Variants in PXDNL observed in about 807,000 individuals in gnomAD.
PXDNL encodes the protein probable oxidoreductase PXDNL.
In PXDNL, 145 loss-of-function variants were observed where a neutral mutation model predicts 150.8. That is an observed-to-expected ratio of 0.96 (90% CI 0.84 to 1.10). The LOEUF (loss-of-function observed/expected upper bound fraction) is 1.10. PXDNL is among the 50% of genes least tolerant of loss of function. The probability of loss-of-function intolerance (pLI) is 0.00; values close to 1 mark genes in which losing one functional copy is unlikely to be tolerated. For synonymous variants in PXDNL, 757 were observed against 725.7 expected (o/e 1.04, Z -0.69); for missense variants, 2,087 against 1,873.9 (o/e 1.11, Z -2.10).
intron 4 of PXDNL, among the ~76,000 whole-genome samples, chr8:51,530,507 T>C (rs73583102): frequency 0.031 from 4,649 of 152,236 alleles, 230 homozygotes; most frequent in African/African-American, 0.11. Flanking sequence ...ATCCCCAGTA[T>C]ATTTCTCCTG....
intron 19 of PXDNL, 23 bp downstream of exon 19, chr8:51,371,850 G>T: frequency 6.3e-7 from 1 of 1,584,566 alleles, no homozygotes; most frequent in Non-Finnish European, 8.7e-7. Context: ...AATCCAGATC[G>T]TGCTCATTGC....
At chr8:51,705,693 G>A (rs1048001969) in intron 1 of PXDNL, among the ~76,000 whole-genome samples, 5 of 152,230 alleles carry the variant, frequency 3.3e-5, no homozygotes, top group African/African-American at 1.2e-4. Context: ...AAATAAAGGA[G>A]TGAGCGTGTT....
intron 2 of PXDNL, among the ~76,000 whole-genome samples, chr8:51,645,576 ACAGAT>A (rs1404246247): frequency 6.6e-6 from 1 of 152,160 alleles, no homozygotes. Context: ...GAGGTGGTGA[ACAGAT>A]CAGATCTGTA....
rs1187615898 is a variant in PXDNL, at chr8:51,744,956, GAAAGAAAGAAAGA to G, written c.164+64212_164+64224del. ...AGAAAGAAAGAAAGAAAGAAAGAAA[GAAAGAAAGAAAGA>G]AAGAAAGAAAGAAAGAAAGAAAGGG... On this transcript the variant is annotated intron_variant, in intron 1 of 22. Transcript: ENST00000356297. 1.3e-3 allele frequency among the ~76,000 whole-genome samples: 156 copies of G among 116,316 alleles called. 6 individuals carry two copies. Among genetic ancestry groups the G allele is most frequent in the Middle Eastern group, 9.0e-3 (2 of 222 alleles). The allele number at this position is 116,316 out of a possible 152,430, so 76.3% of individuals were successfully genotyped here.
intron 2 of PXDNL, among the ~76,000 whole-genome samples, chr8:51,619,823 G>A (rs1437023949): frequency 6.6e-6 from 1 of 152,042 alleles, no homozygotes; most frequent in Non-Finnish European, 1.5e-5. Flanking sequence ...AATACACTGG[G>A]TTTTCTCACT....
chr8:51,668,431 T>A (rs553154710), intron 1 of PXDNL, among the ~76,000 whole-genome samples: 11 of 152,160 alleles, frequency 7.2e-5, no homozygotes, highest in African/African-American at 2.4e-4. Context: ...TGCCTCGGCC[T>A]CCCAAAGTCC....
chr8:51,611,487 T>C (rs1813999494), intron 2 of PXDNL, among the ~76,000 whole-genome samples: 1 of 152,240 alleles, frequency 6.6e-6, no homozygotes, highest in Non-Finnish European at 1.5e-5. Context: ...TTTTGTGTAA[T>C]TGACTGTTTT....
chr8:51,748,740 C>T (rs2037012824), intron 1 of PXDNL, among the ~76,000 whole-genome samples: 1 of 152,222 alleles, frequency 6.6e-6, no homozygotes. Context: ...GAAGCCCCTA[C>T]CTTCCTTAGT....
intron 3 of PXDNL, among the ~76,000 whole-genome samples, chr8:51,579,235 A>G (rs1402604755): frequency 6.6e-6 from 1 of 152,048 alleles, no homozygotes; most frequent in Non-Finnish European, 1.5e-5. Context: ...TCCAGAATAT[A>G]TAAACTCTCC....
At chr8:51,514,095 T>G (rs1811482396) in intron 4 of PXDNL, among the ~76,000 whole-genome samples, 1 of 152,274 alleles carries the variant, frequency 6.6e-6, no homozygotes, top group Admixed American at 6.5e-5. Context: ...CGCAGAGCTC[T>G]ATTCCTCACT....
chr8:51,572,115 C>T (rs753238947), intron 3 of PXDNL, among the ~76,000 whole-genome samples: 3 of 151,662 alleles, frequency 2.0e-5, no homozygotes, highest in Non-Finnish European at 4.4e-5. Context: ...ATGGGTTTAT[C>T]AGGACATAAC....
Position 51,364,165 on chromosome 8 carries a change from T to C in PXDNL, c.3901+7708A>G, listed in dbSNP as rs28444489. Among the ~76,000 whole-genome samples the C allele has an allele frequency of 4.8e-3, 733 of 152,312 alleles. 6 individuals carry two copies. Among genetic ancestry groups the C allele is most frequent in the African/African-American group, 0.017 (694 of 41,568 alleles). On this transcript the variant is annotated intron_variant, in intron 19 of 22. Coordinates refer to ENST00000356297, the MANE Select transcript of PXDNL (RefSeq NM_144651.5). ...AAAGCCTTAATGCACTATGTCAAGG[T>C]GTATTTTCACAAGGTAAAGAAAGCT... is the stretch of plus-strand genomic sequence containing the variant.
Position 51,591,676 on chromosome 8 carries a change from T to G in PXDNL, c.308+951A>C, listed in dbSNP as rs558881315. 2.6e-5 allele frequency among the ~76,000 whole-genome samples: 4 copies of G among 152,188 alleles called. No individual in the cohort carries two copies. In the South Asian group the frequency reaches 8.3e-4, roughly 32 times the overall value. On this transcript the variant is annotated intron_variant, in intron 3 of 22. Coordinates refer to ENST00000356297, the MANE Select transcript of PXDNL (RefSeq NM_144651.5). The stretch of plus-strand genomic sequence containing the variant: ...CTTTGTTGGCCAGGCTGGAGTGCAG[T>G]GGCGCCATCTCGGCTCACTGCAAGC...
chr8:51,757,207 T>C (rs2037111614), intron 1 of PXDNL, among the ~76,000 whole-genome samples: 1 of 152,188 alleles, frequency 6.6e-6, no homozygotes, highest in South Asian at 2.1e-4. Context: ...GGATATACTA[T>C]CTTTGAACTT....
At chr8:51,617,720 A>G (rs1382251793) in intron 2 of PXDNL, among the ~76,000 whole-genome samples, 1 of 152,246 alleles carries the variant, frequency 6.6e-6, no homozygotes, top group Admixed American at 6.5e-5. Flanking sequence ...GCAAGTATGC[A>G]TTAATTTTGC....
chr8:51,426,446 A>G (rs16916251), intron 13 of PXDNL, among the ~76,000 whole-genome samples, 200 bp downstream of exon 13: 28,753 of 151,996 alleles, frequency 0.19, 3,052 homozygotes, highest in East Asian at 0.32. Flanking sequence ...TTATCAAAAC[A>G]CTGAACCAAA....
At chr8:51,472,325 A>G (rs1289021434) in intron 7 of PXDNL, 21 bp from the exon 8 acceptor site, 1 of 1,572,554 alleles carries the variant, frequency 6.4e-7, no homozygotes, top group South Asian at 1.1e-5. Context: ...AGAATTATTG[A>G]TGTATTTTTC....
intron 1 of PXDNL, among the ~76,000 whole-genome samples, chr8:51,724,247 C>A (rs1232109903): frequency 4.0e-5 from 6 of 151,894 alleles, no homozygotes; most frequent in Non-Finnish European, 7.4e-5. Context: ...TAGAAGAGGC[C>A]ACAAAGGGAG....
chr8:51,481,767 C>G (rs890039424), intron 6 of PXDNL, among the ~76,000 whole-genome samples: 5 of 152,202 alleles, frequency 3.3e-5, no homozygotes, highest in Admixed American at 3.3e-4. Flanking sequence ...AAGTCCAAAG[C>G]CTTAGAAGCT....
Sources: allele counts gnomAD v4.1 joint callset (sites outside exome capture counted in the v4.1 genomes callset), GRCh38; gene constraint gnomAD v4.1.1; transcripts MANE v1.5; gene names NCBI Gene and HGNC (gene_info 2026-07-23, HGNC 2026-07-21).